Variants in ZNF728 observed in about 807,000 individuals in gnomAD.
ZNF728 encodes zinc finger protein 728.
In ZNF728, 12 loss-of-function variants were observed where a neutral mutation model predicts 12.5. That is an observed-to-expected ratio of 0.96 (90% CI 0.61 to 1.55). The LOEUF (loss-of-function observed/expected upper bound fraction) is 1.55. Ranked by LOEUF, ZNF728 falls within the 40% of genes most tolerant of loss-of-function variation. The pLI, the probability that ZNF728 is intolerant of heterozygous loss-of-function variation, is 0.00. For missense variants in ZNF728, 692 were observed against 719.2 expected (o/e 0.96, Z 0.43); for synonymous variants, 205 against 240.7 (o/e 0.85, Z 1.37).
chr19:22,980,431 G>A (rs1251522339), intron 3 of ZNF728, among the ~76,000 whole-genome samples: 2 of 152,106 alleles, frequency 1.3e-5, no homozygotes, highest in Non-Finnish European at 2.9e-5. Context: ...CTATAATAGT[G>A]GGAGACTTTA....
At position 22,976,980 on chromosome 19, in the gene ZNF728, A is replaced by G; in HGVS notation, c.357T>C (p.Asn119=). 1 of 1,613,546 alleles carries G rather than the reference A, an allele frequency of 6.2e-7. No individual in the cohort carries two copies. Among genetic ancestry groups the G allele is most frequent in the Non-Finnish European group, 8.5e-7 (1 of 1,179,766 alleles). Residue 119 remains asparagine, a synonymous_variant, in exon 4 of 4, where the codon AAT becomes AAC. Coordinates refer to ENST00000594710, the MANE Select transcript of ZNF728 (RefSeq NM_001267716.2). ...TTTTGTGCACCTTACACTCATCCAC[A>G]TTGGTACAACCAATTTTTAACTGTA... ...ENLQLKIGCT[N]VDECKVHKKG...
intron 1 of ZNF728, among the ~76,000 whole-genome samples, chr19:22,994,046 A>C (rs753370891): frequency 2.6e-5 from 4 of 152,190 alleles, no homozygotes; most frequent in Non-Finnish European, 5.9e-5. Flanking sequence ...TCTCATGTCT[A>C]CAGGTCTGCT....
intron 3 of ZNF728, among the ~76,000 whole-genome samples, chr19:22,983,623 T>C (rs1213811398): frequency 1.3e-5 from 2 of 152,098 alleles, no homozygotes; most frequent in African/African-American, 4.8e-5. Context: ...CCATCAGTAA[T>C]AGACTGGATA....
At chr19:22,990,400 A>G (rs913083467) in intron 1 of ZNF728, among the ~76,000 whole-genome samples, 15 of 152,204 alleles carry the variant, frequency 9.9e-5, no homozygotes, top group African/African-American at 3.4e-4. Flanking sequence ...TGCTGTCACC[A>G]CATCCACAGG....
At chr19:23,001,481 C>A (rs1969113372) in intron 1 of ZNF728, among the ~76,000 whole-genome samples, 2 of 152,158 alleles carry the variant, frequency 1.3e-5, no homozygotes, top group East Asian at 3.9e-4. Flanking sequence ...GAGAAAAAGA[C>A]CCAGGAGCTG....
At chr19:22,990,978 T>C (rs1968980971) in intron 1 of ZNF728, among the ~76,000 whole-genome samples, 1 of 152,168 alleles carries the variant, frequency 6.6e-6, no homozygotes, top group African/African-American at 2.4e-5. Flanking sequence ...TTTAAACAAG[T>C]GCGCTGTCAG....
intron 1 of ZNF728, among the ~76,000 whole-genome samples, chr19:22,990,200 G>A (rs529332377): frequency 6.6e-6 from 1 of 151,908 alleles, no homozygotes; most frequent in East Asian, 1.9e-4. Context: ...AGTACTAAAT[G>A]TATGTTTCCT....
chr19:22,992,571 T>C (rs1463064223), intron 1 of ZNF728, among the ~76,000 whole-genome samples: 1 of 151,996 alleles, frequency 6.6e-6, no homozygotes, highest in Non-Finnish European at 1.5e-5. Flanking sequence ...TTTATGACTA[T>C]ATGAAATGGA....
intron 1 of ZNF728, among the ~76,000 whole-genome samples, chr19:22,999,795 G>A (rs1364282827): frequency 6.6e-6 from 1 of 151,998 alleles, no homozygotes; most frequent in Admixed American, 6.6e-5. Context: ...CTTCTAGGAG[G>A]TACCAAATTT....
rs775634137 is a variant in ZNF728, at chr19:23,003,160, G to C, written c.-130C>G. 1 of 1,130,472 alleles carries C rather than the reference G, an allele frequency of 8.8e-7. No homozygotes were observed. The highest frequency in any genetic ancestry group is 1.2e-6 in the Non-Finnish European group (1 of 813,378). 70.0% of individuals were successfully genotyped at this position (1,130,472 alleles called of 1,614,324 possible). A position where few individuals can be genotyped will look rare whatever the true frequency, so the allele number is the denominator to read the frequency against. The stretch of plus-strand genomic sequence containing the variant: ...GTAAGGACGACACCTTGACCTCCGC[G>C]TGCAGCGAGAGCCAACGGTCCTACC... On this transcript the variant is annotated 5_prime_UTR_variant, in exon 1 of 4. Transcript: ENST00000594710.
At chr19:22,986,690 T>C (rs1968920453) in intron 3 of ZNF728, among the ~76,000 whole-genome samples, 1 of 148,902 alleles carries the variant, frequency 6.7e-6, no homozygotes, top group Non-Finnish European at 1.5e-5. Context: ...TTCAATAAAC[T>C]CTCTATCAAT....
At chr19:22,987,473 A>G (rs1285629317) in intron 2 of ZNF728, 70 bp from the exon 3 acceptor site, 8 of 1,364,840 alleles carry the variant, frequency 5.9e-6, no homozygotes, top group Non-Finnish European at 7.8e-6. Flanking sequence ...TAATGTGCTC[A>G]GTAAAGAGGA....
At chr19:22,988,191 G>A (rs369944637) in intron 2 of ZNF728, 134 bp downstream of exon 2, 5 of 1,501,624 alleles carry the variant, frequency 3.3e-6, no homozygotes, top group Non-Finnish European at 3.6e-6. Context: ...GAGCCCCCTG[G>A]TGCCGTCTTC....
chr19:22,994,487 T>C (rs562427622), intron 1 of ZNF728, among the ~76,000 whole-genome samples: 1 of 152,328 alleles, frequency 6.6e-6, no homozygotes, highest in Admixed American at 6.5e-5. Flanking sequence ...GAATGTGACA[T>C]GCATTACAGT....
intron 1 of ZNF728, among the ~76,000 whole-genome samples, chr19:23,002,480 G>C (rs961238006): frequency 1.3e-5 from 2 of 152,056 alleles, no homozygotes; most frequent in African/African-American, 4.8e-5. Flanking sequence ...ACCAATTATC[G>C]AATTTGGTTT....
intron 3 of ZNF728, among the ~76,000 whole-genome samples, chr19:22,982,090 TTCTC>T (rs1968866668): frequency 6.6e-6 from 1 of 152,054 alleles, no homozygotes; most frequent in South Asian, 2.1e-4. Context: ...AAGTCACACT[TTCTC>T]TATCTGCAGA....
Position 23,003,148 on chromosome 19 carries a change from CT to C in ZNF728, c.-119del, listed in dbSNP as rs556205331. The C allele has an allele frequency of 3.4e-5, 42 of 1,235,416 alleles. No homozygotes were observed. In the East Asian group the frequency reaches 8.7e-4, roughly 25 times the overall value. The allele number at this position is 1,235,416 out of a possible 1,614,324, so 76.5% of individuals were successfully genotyped here. ...CGACACACAGCAGTAAGGACGACAC[CT>C]TGACCTCCGCGTGCAGCGAGAGCCA... On this transcript the variant is annotated 5_prime_UTR_variant, in exon 1 of 4. Coordinates refer to ENST00000594710, the MANE Select transcript of ZNF728 (RefSeq NM_001267716.2).
chr19:22,977,630 A>G (rs1183271415), intron 3 of ZNF728, among the ~76,000 whole-genome samples: 3 of 152,180 alleles, frequency 2.0e-5, no homozygotes, highest in Non-Finnish European at 4.4e-5. Flanking sequence ...AGAGCACTGC[A>G]GTGCTGCAAA....
intron 3 of ZNF728, chr19:22,985,584 GA>G (rs1968907464): frequency 6.6e-6 from 1 of 152,120 alleles, no homozygotes; most frequent in African/African-American, 2.4e-5. Flanking sequence ...CAAACTACAG[GA>G]CCCCTGCTCT....
Sources: gnomAD v4.1 joint callset for allele counts (sites outside exome capture counted in the v4.1 genomes callset) on GRCh38, gnomAD v4.1.1 for gene constraint, MANE v1.5 for transcripts, NCBI Gene and HGNC (gene_info 2026-07-23, HGNC 2026-07-21) for gene names.